Variants in OR3A2 observed in about 807,000 individuals in gnomAD.
The protein encoded by OR3A2 is olfactory receptor 3A2.
For missense variants in OR3A2, 318 were observed against 392.8 expected (o/e 0.81, Z 1.61); for synonymous variants, 126 against 159.3 (o/e 0.79, Z 1.57).
At chr17:3,370,968 G>A (rs2049611168) in intron 2 of OR3A2, among the ~76,000 whole-genome samples, 1 of 152,184 alleles carries the variant, frequency 6.6e-6, no homozygotes, top group African/African-American at 2.4e-5. Flanking sequence ...AACAGGATAA[G>A]AATTTTTCTT....
At chr17:3,297,695 C>T (rs2048930974) in intron 3 of OR3A2, among the ~76,000 whole-genome samples, 1 of 147,770 alleles carries the variant, frequency 6.8e-6, no homozygotes, top group Non-Finnish European at 1.5e-5. Flanking sequence ...TTCTTAATGC[C>T]TTGTGTCACA....
intron 1 of OR3A2, among the ~76,000 whole-genome samples, chr17:3,283,499 A>C (rs901330871): frequency 2.6e-5 from 4 of 152,208 alleles, no homozygotes; most frequent in African/African-American, 9.7e-5. Flanking sequence ...TGCTGGGATT[A>C]CAGGCGTAAG....
intron 3 of OR3A2, among the ~76,000 whole-genome samples, chr17:3,323,694 C>T (rs1239298645): frequency 2.6e-5 from 4 of 152,102 alleles, no homozygotes; most frequent in Non-Finnish European, 5.9e-5. Flanking sequence ...CCCCCACTCT[C>T]TTCTGGCTTG....
At chr17:3,308,746 A>G (rs1024283964) in intron 3 of OR3A2, among the ~76,000 whole-genome samples, 1 of 152,078 alleles carries the variant, frequency 6.6e-6, no homozygotes, top group Non-Finnish European at 1.5e-5. Context: ...AGACCTGAGG[A>G]CGGCATTCTC....
intron 1 of OR3A2, among the ~76,000 whole-genome samples, chr17:3,280,747 G>A (rs1024394337): frequency 1.3e-5 from 2 of 152,190 alleles, no homozygotes; most frequent in African/African-American, 4.8e-5. Context: ...CCTGAGCTGG[G>A]GCAGTGAAAT....
intron 1 of OR3A2, among the ~76,000 whole-genome samples, chr17:3,281,981 T>G (rs1263352791): frequency 6.6e-6 from 1 of 152,204 alleles, no homozygotes; most frequent in Non-Finnish European, 1.5e-5. Context: ...CAGAGAACTC[T>G]GCCAGATTTG....
intron 3 of OR3A2, among the ~76,000 whole-genome samples, chr17:3,302,756 G>C (rs1219138615): frequency 6.6e-6 from 1 of 152,160 alleles, no homozygotes; most frequent in Non-Finnish European, 1.5e-5. Context: ...CATTTCATCT[G>C]CAGATGCTTT....
At chr17:3,282,024 C>T (rs191054228) in intron 1 of OR3A2, among the ~76,000 whole-genome samples, 1 of 152,276 alleles carries the variant, frequency 6.6e-6, no homozygotes, top group Non-Finnish European at 1.5e-5. Context: ...GCTTGTTTCC[C>T]TCTTCATTGT....
At chr17:3,318,379 A>G (rs1370506799) in intron 3 of OR3A2, among the ~76,000 whole-genome samples, 2 of 152,216 alleles carry the variant, frequency 1.3e-5, no homozygotes, top group Non-Finnish European at 2.9e-5. Context: ...GGAGTTCAGT[A>G]CTTTTGTTAG....
intron 2 of OR3A2, among the ~76,000 whole-genome samples, chr17:3,339,289 G>A (rs182243277): frequency 6.6e-6 from 1 of 152,260 alleles, no homozygotes; most frequent in Non-Finnish European, 1.5e-5. Context: ...CCCTAGCAAA[G>A]AACTTTCAAC....
At chr17:3,276,472 C>G (rs1395987592), downstream of OR3A2, among the ~76,000 whole-genome samples, 2 of 152,174 alleles carry the variant, frequency 1.3e-5, no homozygotes, top group Non-Finnish European at 2.9e-5. Context: ...ATTTTTATTT[C>G]CTACTTGACA....
intron 1 of OR3A2, among the ~76,000 whole-genome samples, chr17:3,279,910 A>G (rs746222500): frequency 6.6e-6 from 1 of 152,230 alleles, no homozygotes; most frequent in Admixed American, 6.5e-5. Flanking sequence ...GATATCAGAA[A>G]GACCAGCCAA....
At chr17:3,360,728 A>G (rs34925076) in intron 2 of OR3A2, among the ~76,000 whole-genome samples, 5,697 of 151,602 alleles carry the variant, frequency 0.038, 340 homozygotes, top group Middle Eastern at 0.099. Flanking sequence ...AGATAGTTGT[A>G]GATGTGTGGT....
Position 3,381,275 on chromosome 17 carries a change from T to C in OR3A2, c.-179+2529A>G, listed in dbSNP as rs147044620. On this transcript the variant is annotated intron_variant, in intron 2 of 4. Transcript: ENST00000573491. ...TGAATGTGCGCTCCAAAAGTGACCA[T>C]TTTAGCATGGAGTTGAAGGCAGTGA... Among the ~76,000 whole-genome samples, 574 of 152,128 alleles carry C rather than the reference T, an allele frequency of 3.8e-3. 5 individuals carry two copies. The highest frequency in any genetic ancestry group is 0.013 in the African/African-American group (547 of 41,490).
At chr17:3,281,922 A>G (rs2048779182) in intron 1 of OR3A2, among the ~76,000 whole-genome samples, 1 of 152,092 alleles carries the variant, frequency 6.6e-6, no homozygotes, top group Non-Finnish European at 1.5e-5. Flanking sequence ...GTACCTGGGT[A>G]TGGGTGTTTC....
chr17:3,360,183 AT>A (rs1408915210), intron 2 of OR3A2, among the ~76,000 whole-genome samples: 4 of 151,684 alleles, frequency 2.6e-5, no homozygotes, highest in African/African-American at 9.7e-5. Context: ...GATGATGAAC[AT>A]TTTTTCATGT....
chr17:3,285,743 G>A (rs939901169), upstream of OR3A2, among the ~76,000 whole-genome samples: 37 of 152,142 alleles, frequency 2.4e-4, no homozygotes, highest in Non-Finnish European at 1.8e-4. Flanking sequence ...AGCCGTGATC[G>A]CACCACTGCA....
chr17:3,384,105 T>C (rs2049760624), intron 1 of OR3A2, among the ~76,000 whole-genome samples: 1 of 152,180 alleles, frequency 6.6e-6, no homozygotes, highest in Non-Finnish European at 1.5e-5. Flanking sequence ...GCTTCCCTGC[T>C]AAGACCTGAC....
At chr17:3,350,766 T>C (rs926103425) in intron 2 of OR3A2, among the ~76,000 whole-genome samples, 30 of 150,760 alleles carry the variant, frequency 2.0e-4, no homozygotes, top group African/African-American at 7.3e-4. Context: ...TTGATGAACA[T>C]TGATGCAAAA....
Sources: allele counts gnomAD v4.1 joint callset (sites outside exome capture counted in the v4.1 genomes callset), GRCh38; gene constraint gnomAD v4.1.1; transcripts MANE v1.5; gene names NCBI Gene and HGNC (gene_info 2026-07-23, HGNC 2026-07-21).